PODNL1: variants seen among roughly 807,000 people sequenced by gnomAD.
PODNL1 encodes the protein podocan like 1.
Under a neutral mutation model 45.1 loss-of-function variants are expected in PODNL1, and 50 were observed. That is an observed-to-expected ratio of 1.11 (90% CI 0.88 to 1.40). PODNL1 has a LOEUF of 1.40. PODNL1 is among the 40% of genes most tolerant of loss of function. The pLI, the probability that PODNL1 is intolerant of heterozygous loss-of-function variation, is 0.00. For synonymous variants in PODNL1, 406 were observed against 372.5 expected (o/e 1.09, Z -1.04); for missense variants, 788 against 793.3 (o/e 0.99, Z 0.08).
At position 13,952,641 on chromosome 19, in the gene PODNL1, C is replaced by T. The variant is rs938758982; in HGVS notation, c.18+478G>A. Reference sequence around the variant, plus strand: ...ACGTCCTCAAGCAGCTGGAGCGGGTCAAGGTGAGGCCTGGAGCCGGAGTGG... The same window carrying T: ...ACGTCCTCAAGCAGCTGGAGCGGGTTAAGGTGAGGCCTGGAGCCGGAGTGG... On this transcript the variant is annotated intron_variant, in intron 1 of 7. Coordinates refer to the PODNL1 transcript ENST00000538371. The T allele has an allele frequency of 4.7e-6, 6 of 1,275,438 alleles. No homozygotes were observed. The South Asian group carries it at 1.7e-4, about 37-fold the overall frequency. The allele number at this position is 1,275,438 out of a possible 1,614,324, so 79.0% of individuals were successfully genotyped here.
intron 1 of PODNL1, chr19:13,952,531 T>A (rs1973094543): frequency 8.0e-7 from 1 of 1,247,862 alleles, no homozygotes; most frequent in Non-Finnish European, 1.0e-6. Context: ...CAGCTCGAAA[T>A]CGGAGCGGAA....
chr19:13,934,570 G>T (rs1196127633), intron 5 of PODNL1, among the ~76,000 whole-genome samples, 160 bp from the exon 6 acceptor site: 1 of 152,226 alleles, frequency 6.6e-6, no homozygotes, highest in Non-Finnish European at 1.5e-5. Context: ...AATTGTGTAT[G>T]TGTGCATGTG....
At chr19:13,950,437 T>G (rs1972959706) in intron 1 of PODNL1, among the ~76,000 whole-genome samples, 1 of 152,202 alleles carries the variant, frequency 6.6e-6, no homozygotes, top group Non-Finnish European at 1.5e-5. Context: ...CCCAAAGTGC[T>G]GGGCTTACAG....
chr19:13,942,004 T>A (rs1972670687), upstream of PODNL1, among the ~76,000 whole-genome samples: 1 of 152,064 alleles, frequency 6.6e-6, no homozygotes, highest in Non-Finnish European at 1.5e-5. Context: ...AGCTTGGACA[T>A]TGGGTGGAAG....
chr19:13,943,122 C>A (rs111865818), upstream of PODNL1, among the ~76,000 whole-genome samples: 1,382 of 151,312 alleles, frequency 9.1e-3, 14 homozygotes, highest in African/African-American at 0.031. Flanking sequence ...CATGGATAAA[C>A]CCCGTCTCTA....
chr19:13,953,167 G>A, exon 1 of PODNL1: 2 of 1,532,254 alleles, frequency 1.3e-6, no homozygotes, highest in Non-Finnish European at 1.8e-6. Flanking sequence ...GGATAGGGCT[G>A]AGTCTTCCCC....
intron 8 of PODNL1, 73 bp downstream of exon 8, chr19:13,932,721 ATGTT>A (rs1314367028): frequency 1.9e-6 from 3 of 1,608,556 alleles, no homozygotes; most frequent in South Asian, 1.1e-5. Flanking sequence ...GCTAACTAGA[ATGTT>A]TGGGACGTGG....
chr19:13,932,681 TATC>T, intron 8 of PODNL1, 114 bp downstream of exon 8: 1 of 1,586,888 alleles, frequency 6.3e-7, no homozygotes, highest in East Asian at 2.2e-5. Flanking sequence ...AACCCACTCT[TATC>T]ATTTTCTTGT....
Position 13,935,523 on chromosome 19 carries a change from C to T in PODNL1, c.494+198G>A, listed in dbSNP as rs146780689. ...TGTATTTTAAGTAGAGACAGGGTTT[C>T]ATCATGTTGGCCAGGCTGGTCTCGA... On this transcript the variant is annotated intron_variant, in intron 5 of 9. Transcript: ENST00000588872. Among the ~76,000 whole-genome samples the T allele has an allele frequency of 4.1e-3, 630 of 152,212 alleles. 4 individuals carry two copies. The highest frequency in any genetic ancestry group is 0.014 in the African/African-American group (593 of 41,526).
chr19:13,936,519 C>T lies in PODNL1; in HGVS notation c.226-59G>A. On this transcript the variant is annotated intron_variant, in intron 2 of 9. Transcript: ENST00000588872. ...GACCCCGTGACCAAGTGACCCCAAG[C>T]ACTGATTCTCAACTTCCCATCAGCC... The T allele has an allele frequency of 2.8e-6, 4 of 1,410,938 alleles. 1 individual carries two copies. The South Asian group carries it at 4.6e-5, about 16-fold the overall frequency. 87.4% of individuals were successfully genotyped at this position (1,410,938 alleles called of 1,614,324 possible).
intron 1 of PODNL1, chr19:13,952,696 C>T: frequency 1.1e-6 from 1 of 946,346 alleles, no homozygotes; most frequent in Non-Finnish European, 1.3e-6. Context: ...GGAGTAGGGA[C>T]GAGGGAGGCG....
Position 13,933,100 on chromosome 19 carries a change from G to A in PODNL1, c.1123C>T (p.Pro375Ser), listed in dbSNP as rs936266182. The change falls in exon 8 of 10, where the codon CCG (proline) becomes TCG (serine). Residue 375 changes from proline (P) to serine (S), a missense_variant. By Grantham distance (74) the Pro-to-Ser change is moderately conservative. This residue lies in a region of PODNL1 where 762 missense variants were observed against 750.9 expected (regional missense o/e 1.01). Transcript: ENST00000588872. The surrounding 1 kb of genome is among the most constrained non-coding windows in gnomAD (Gnocchi z 5.2). Reference sequence around the variant, plus strand: ...GCCAGGTTAAGCTCCGTCAGGCCCGGTGTGGCGACCAGGTCACGGGCACCC... The same window carrying A: ...GCCAGGTTAAGCTCCGTCAGGCCCGATGTGGCGACCAGGTCACGGGCACCC... ...ALGARDLVAT[P>S]GLTELNLAYN... 5.2e-6 allele frequency: 8 copies of A among 1,529,792 alleles called. No homozygotes were observed. The African/African-American group carries it at 1.1e-4, about 21-fold the overall frequency. 94.8% of individuals were successfully genotyped at this position (1,529,792 alleles called of 1,614,324 possible). A position where few individuals can be genotyped will look rare whatever the true frequency, so the allele number is the denominator to read the frequency against.
At chr19:13,937,649 C>T in intron 2 of PODNL1, 136 bp downstream of exon 2, 1 of 783,844 alleles carries the variant, frequency 1.3e-6, no homozygotes, top group South Asian at 1.9e-5. Context: ...AGCTCCATCA[C>T]AGCCTGCTCT....
chr19:13,934,359 G>A lies in PODNL1; in HGVS notation c.546C>T (p.Asp182=), dbSNP rs200777135. The A allele has an allele frequency of 3.4e-5, 53 of 1,556,844 alleles. No homozygotes were observed. The highest frequency in any genetic ancestry group is 2.0e-4 in the Middle Eastern group (1 of 4,944). The change falls in exon 6 of 10, where the codon GAC becomes GAT. Residue 182 remains aspartate, a synonymous_variant. Coordinates refer to ENST00000588872, the MANE Select transcript of PODNL1 (RefSeq NM_001370095.3). ...NQLSNAGLPP[D]AFRGSEAIAT... is the part of the protein sequence containing the mutation. ...CGATGGCCTCGGAGCCGCGGAAGGCGTCGGGGGGCAGGCCAGCGTTGCTCA... is the reference window on the plus strand; with the variant it reads ...CGATGGCCTCGGAGCCGCGGAAGGCATCGGGGGGCAGGCCAGCGTTGCTCA...
Position 13,932,975 on chromosome 19 carries a change from C to T in PODNL1, c.1248G>A (p.Leu416=). The part of the protein sequence containing the change: ...LDLAGNQLTR[L]PMGLPTGLRT... ...GCAGGCCAGTGGGCAGGCCCATGGG[C>T]AGCCGGGTTAGCTGATTCCCTGCCA... Residue 416 remains leucine, a synonymous_variant, in exon 8 of 10, where the codon CTG becomes CTA. Coordinates refer to ENST00000588872, the MANE Select transcript of PODNL1 (RefSeq NM_001370095.3). The T allele has an allele frequency of 1.9e-6, 3 of 1,553,214 alleles. No homozygotes were observed. Among genetic ancestry groups the T allele is most frequent in the East Asian group, 4.8e-5 (2 of 41,846 alleles).
At chr19:13,942,855 G>A (rs988270094), upstream of PODNL1, among the ~76,000 whole-genome samples, 1 of 151,680 alleles carries the variant, frequency 6.6e-6, no homozygotes, top group African/African-American at 2.4e-5. Flanking sequence ...AAAAAAATTA[G>A]CTGTGTATGG....
intron 1 of PODNL1, chr19:13,952,697 G>T: frequency 7.7e-7 from 1 of 1,296,134 alleles, no homozygotes; most frequent in Non-Finnish European, 9.7e-7. Flanking sequence ...GAGTAGGGAC[G>T]AGGGAGGCGG....
At chr19:13,936,114 G>T in intron 3 of PODNL1, 70 bp from the exon 4 acceptor site, 1 of 1,334,006 alleles carries the variant, frequency 7.5e-7, no homozygotes, top group Non-Finnish European at 1.0e-6. Flanking sequence ...TGGGCTCCCA[G>T]CTGCCCCAGG....
At chr19:13,952,399 A>C in intron 1 of PODNL1, 1 of 1,208,134 alleles carries the variant, frequency 8.3e-7, no homozygotes, top group Non-Finnish European at 1.0e-6. Flanking sequence ...GCATAGCGCG[A>C]GTGCGGGCTT....
Sources: allele counts gnomAD v4.1 joint callset (sites outside exome capture counted in the v4.1 genomes callset), GRCh38; gene constraint gnomAD v4.1.1; regional missense constraint gnomAD v4.1.1; non-coding constraint Gnocchi (gnomAD v3.1); transcripts MANE v1.5; gene names NCBI Gene and HGNC (gene_info 2026-07-23, HGNC 2026-07-21).